MLLT1: variants seen among roughly 807,000 people sequenced by gnomAD.
MLLT1 encodes MLLT1 super elongation complex subunit.
In MLLT1, 11 loss-of-function variants were observed where a neutral mutation model predicts 55.1. That is an observed-to-expected ratio of 0.20 (90% CI 0.13 to 0.33). The LOEUF (loss-of-function observed/expected upper bound fraction) is 0.33. Among genes scored for constraint, MLLT1 ranks in the 10% least tolerant of loss-of-function variants. The probability of loss-of-function intolerance (pLI) is 1.00; values close to 1 mark genes in which losing one functional copy is unlikely to be tolerated. For synonymous variants in MLLT1, 323 were observed against 320.1 expected, an observed-to-expected ratio of 1.01 and a Z score of -0.10; for missense variants, 536 against 760.6, an observed-to-expected ratio of 0.70 and a Z score of 3.47.
At chr19:6,247,766 C>G (rs2091181638) in intron 3 of MLLT1, among the ~76,000 whole-genome samples, 1 of 152,200 alleles carries the variant, frequency 6.6e-6, no homozygotes. Context: ...ATTATTCTTA[C>G]TGGTTCAGCA....
chr19:6,258,367 GT>G (rs777474580), intron 3 of MLLT1, among the ~76,000 whole-genome samples: 3 of 152,148 alleles, frequency 2.0e-5, no homozygotes, highest in Non-Finnish European at 4.4e-5. Context: ...AACTGATACT[GT>G]CAGCTTTCAC....
At chr19:6,236,674 C>T (rs1288273908) in intron 3 of MLLT1, among the ~76,000 whole-genome samples, 1 of 152,204 alleles carries the variant, frequency 6.6e-6, no homozygotes, top group African/African-American at 2.4e-5. Flanking sequence ...GCCCTCTACA[C>T]GAGACCTGGG....
chr19:6,241,210 C>T (rs1045748832), intron 3 of MLLT1, among the ~76,000 whole-genome samples: 1 of 152,180 alleles, frequency 6.6e-6, no homozygotes, highest in Non-Finnish European at 1.5e-5. Flanking sequence ...CTACCCTGAA[C>T]TGAGGCCGCC....
chr19:6,218,478 T>C (rs2090866869), intron 6 of MLLT1, among the ~76,000 whole-genome samples: 1 of 152,218 alleles, frequency 6.6e-6, no homozygotes, highest in Non-Finnish European at 1.5e-5. Context: ...ACACTTCTTG[T>C]TCTGACCCAG....
chr19:6,214,935 C>T (rs2090824437), intron 8 of MLLT1, among the ~76,000 whole-genome samples: 1 of 152,164 alleles, frequency 6.6e-6, no homozygotes, highest in Admixed American at 6.5e-5. Flanking sequence ...AAACTTGCCC[C>T]TCAGTGGCCT....
Position 6,227,139 on chromosome 19 carries a change from A to G in MLLT1, c.421-37T>C, listed in dbSNP as rs769329678. The G allele has an allele frequency of 6.4e-7, 1 of 1,567,292 alleles. No individual in the cohort carries two copies. Among genetic ancestry groups the G allele is most frequent in the Non-Finnish European group, 8.6e-7 (1 of 1,160,526 alleles). On this transcript the variant is annotated intron_variant, in intron 4 of 11. Transcript: ENST00000252674. The surrounding 1 kb of genome is among the most constrained non-coding windows in gnomAD (Gnocchi z 5.1). Reference sequence around the variant, plus strand: ...GAAGAGACAGTCATTATCGATGGGCAGGGGGCAGGGGGCCCACACGGGCCG... The same window carrying G: ...GAAGAGACAGTCATTATCGATGGGCGGGGGGCAGGGGGCCCACACGGGCCG...
At chr19:6,214,066 GC>G in intron 8 of MLLT1, 28 bp from the exon 9 acceptor site, 3 of 1,350,286 alleles carry the variant, frequency 2.2e-6, no homozygotes, top group Non-Finnish European at 1.9e-6. Flanking sequence ...GGCGCATCAG[GC>G]CCCTGCCGCC....
At chr19:6,277,109 C>T (rs1036030743) in intron 1 of MLLT1, among the ~76,000 whole-genome samples, 8 of 152,234 alleles carry the variant, frequency 5.3e-5, no homozygotes, top group Non-Finnish European at 1.5e-5. Context: ...AGCATTTTCC[C>T]TGTGCCAAGA....
intron 3 of MLLT1, among the ~76,000 whole-genome samples, chr19:6,250,490 T>C (rs987316836): frequency 1.3e-5 from 2 of 152,202 alleles, no homozygotes; most frequent in African/African-American, 4.8e-5. Context: ...CTGCAGAGGC[T>C]CAAATCTCTT....
At position 6,216,293 on chromosome 19, in the gene MLLT1, C is replaced by T. The variant is rs1273531076; in HGVS notation, c.1307+112G>A. 7 of 788,224 alleles carry T rather than the reference C, an allele frequency of 8.9e-6. No homozygotes were observed. The East Asian group carries it at 1.6e-4, about 18-fold the overall frequency. The allele number at this position is 788,224 out of a possible 1,614,324, so 48.8% of individuals were successfully genotyped here. A position where few individuals can be genotyped will look rare whatever the true frequency, so the allele number is the denominator to read the frequency against. ...GGGGATGGATCCCTGCTTTGGCCCT[C>T]CCAGGGGACCCTCCAGTCCCAACCC... On this transcript the variant is annotated intron_variant, in intron 8 of 11. Coordinates refer to ENST00000252674, the MANE Select transcript of MLLT1 (RefSeq NM_005934.4).
At position 6,226,412 on chromosome 19, in the gene MLLT1, A is replaced by C. The variant is rs1317734171; in HGVS notation, c.546+565T>G. 6.6e-6 allele frequency among the ~76,000 whole-genome samples: 1 copy of C among 152,188 alleles called. No homozygotes were observed. The highest frequency in any genetic ancestry group is 1.5e-5 in the Non-Finnish European group (1 of 68,006). On this transcript the variant is annotated intron_variant, in intron 5 of 11. Coordinates refer to ENST00000252674, the MANE Select transcript of MLLT1 (RefSeq NM_005934.4). The surrounding 1 kb of genome is among the most constrained non-coding windows in gnomAD (Gnocchi z 6.3). ...AGAGAGAGAAGCCTCAGAAAGGCCGAGTGCCACCCACCTGACCGACTGGGC... is the reference window on the plus strand; with the variant it reads ...AGAGAGAGAAGCCTCAGAAAGGCCGCGTGCCACCCACCTGACCGACTGGGC...
intron 3 of MLLT1, chr19:6,259,799 T>TAAAAAAAAAAAAAAAAAAAAAAAA (rs60832951): frequency 1.4e-5 from 1 of 70,108 alleles, no homozygotes; most frequent in Admixed American, 1.6e-4. Context: ...AAACATGACT[T>TAAAAAAAAAAAAAAAAAAAAAAAA]AAAAAAAAAA....
At position 6,235,855 on chromosome 19, in the gene MLLT1, C is replaced by T. The variant is rs533511720; in HGVS notation, c.277-5142G>A. Among the ~76,000 whole-genome samples, 123 of 152,300 alleles carry T rather than the reference C, an allele frequency of 8.1e-4. No homozygotes were observed. Among genetic ancestry groups the T allele is most frequent in the African/African-American group, 2.9e-3 (120 of 41,560 alleles). ...GCTGCCTTCTTCCACGCCTCCTCCA[C>T]CCAGCTCACCCCTTCCTGACCCCCA... is the stretch of plus-strand genomic sequence containing the variant. On this transcript the variant is annotated intron_variant, in intron 3 of 11. Transcript: ENST00000252674. The surrounding 1 kb of genome is among the most constrained non-coding windows in gnomAD (Gnocchi z 5.5).
chr19:6,237,327 C>A (rs2091071743), intron 3 of MLLT1, among the ~76,000 whole-genome samples: 1 of 152,190 alleles, frequency 6.6e-6, no homozygotes, highest in South Asian at 2.1e-4. Context: ...GGGAGAGCAA[C>A]CAGCCCTCCT....
Position 6,278,743 on chromosome 19 carries a change from C to A in MLLT1, c.12+1030G>T, listed in dbSNP as rs151210562. ...GGGGAACAGCAGGCCATCAGTGACT[C>A]AAAGGTCTGGGGAATCCAGGTCAGA... On this transcript the variant is annotated intron_variant, in intron 1 of 11. Coordinates refer to ENST00000252674, the MANE Select transcript of MLLT1 (RefSeq NM_005934.4). Among the ~76,000 whole-genome samples the A allele has an allele frequency of 2.3e-4, 35 of 152,106 alleles. No homozygotes were observed. In the East Asian group the frequency reaches 6.6e-3, roughly 29 times the overall value.
chr19:6,249,061 T>C (rs979448969), intron 3 of MLLT1, among the ~76,000 whole-genome samples: 4 of 152,118 alleles, frequency 2.6e-5, no homozygotes, highest in African/African-American at 9.7e-5. Flanking sequence ...GGACTCTAAA[T>C]ACAGATCAAG....
chr19:6,238,397 G>A (rs1189484250), intron 3 of MLLT1, among the ~76,000 whole-genome samples: 2 of 152,258 alleles, frequency 1.3e-5, no homozygotes, highest in East Asian at 1.9e-4. Context: ...AATATTAGCA[G>A]ATTAGTAGAC....
chr19:6,279,617 G>GCCCCCGCCC (rs2091447242), intron 1 of MLLT1, among the ~76,000 whole-genome samples, 156 bp downstream of exon 1: 1 of 148,992 alleles, frequency 6.7e-6, no homozygotes, highest in African/African-American at 2.4e-5. Context: ...GGGGAGGGGC[G>GCCCCCGCCC]CCCCCGCCCC....
At position 6,212,908 on chromosome 19, in the gene MLLT1, C is replaced by A. The variant is rs1446859442; in HGVS notation, c.*134G>T. ...CAGGGAGCCGCCGAGGAAAGTGCAG[C>A]GGGCTGTGCGGGCGAGGACAGGGCT... On this transcript the variant is annotated 3_prime_UTR_variant, in exon 12 of 12. Coordinates refer to ENST00000252674, the MANE Select transcript of MLLT1 (RefSeq NM_005934.4). 2 of 1,177,130 alleles carry A rather than the reference C, an allele frequency of 1.7e-6. No individual in the cohort carries two copies. The highest frequency in any genetic ancestry group is 2.6e-5 in the Admixed American group (1 of 38,286). The allele number at this position is 1,177,130 out of a possible 1,614,324, so 72.9% of individuals were successfully genotyped here.
Sources: allele counts gnomAD v4.1 joint callset (sites outside exome capture counted in the v4.1 genomes callset), GRCh38; gene constraint gnomAD v4.1.1; non-coding constraint Gnocchi (gnomAD v3.1); transcripts MANE v1.5; gene names NCBI Gene and HGNC (gene_info 2026-07-23, HGNC 2026-07-21).